Variants in PLB1 observed in about 807,000 individuals in gnomAD.
PLB1 encodes the protein phospholipase B1, also known as phospholipase B1, membrane-associated.
PLB1 carries 242 observed loss-of-function variants against 227.4 expected under a neutral mutation model. That is an observed-to-expected ratio of 1.06 (90% confidence interval 0.96 to 1.18). The LOEUF is 1.18. PLB1 is among the 50% of genes most tolerant of loss of function. The pLI, the probability that PLB1 is intolerant of heterozygous loss-of-function variation, is 0.00. For synonymous variants in PLB1, 757 were observed against 682.2 expected, an observed-to-expected ratio of 1.11 and a Z score of -1.71; for missense variants, 1,858 against 1,816.3, an observed-to-expected ratio of 1.02 and a Z score of -0.42.
At position 28,629,163 on chromosome 2, in the gene PLB1, A is replaced by T; in HGVS notation, c.3796A>T (p.Lys1266Ter). ...LASLYQGQGG[K>*]CAMLAAQNNC... Reference sequence around the variant, plus strand: ...TAGCCTGTACCAGGGCCAAGGCGGGAAATGTGCCATGCTGGCAGCTCAGTA... The same window carrying T: ...TAGCCTGTACCAGGGCCAAGGCGGGTAATGTGCCATGCTGGCAGCTCAGTA... Residue 1266 changes from lysine to a stop codon, truncating the protein, a stop_gained, in exon 53 of 58, where the codon AAA becomes TAA. Transcript: ENST00000327757. LOFTEE classifies it high-confidence loss of function. 1 of 1,613,780 alleles carries T rather than the reference A, an allele frequency of 6.2e-7. No individual in the cohort carries two copies. The highest frequency in any genetic ancestry group is 8.5e-7 in the Non-Finnish European group (1 of 1,179,882).
chr2:28,498,245 A>G (rs912708927), intron 1 of PLB1, among the ~76,000 whole-genome samples: 2 of 151,602 alleles, frequency 1.3e-5, no homozygotes, highest in African/African-American at 4.8e-5. Context: ...TCTTTTTGAG[A>G]TAGAGTCTCA....
chr2:28,542,657 A>G (rs13017378), intron 13 of PLB1, among the ~76,000 whole-genome samples: 57,536 of 151,706 alleles, frequency 0.38, 11,591 homozygotes, highest in South Asian at 0.48. Flanking sequence ...AAGGGAGGGG[A>G]ATCTCAGTTG....
chr2:28,595,078 C>A (rs1682678957), intron 33 of PLB1: 1 of 152,074 alleles, frequency 6.6e-6, no homozygotes. Flanking sequence ...AGGTGATGTG[C>A]CCTACTTTAA....
rs552745813 is a variant in PLB1 at position 28,599,368 on chromosome 2, C to A, written c.2474+608C>A. Reference sequence around the variant, plus strand: ...TCTATGCAGCTCCTGGCTCAGCCATCTGAGCCTCTGTCACATGTCATCTTC... The same window carrying A: ...TCTATGCAGCTCCTGGCTCAGCCATATGAGCCTCTGTCACATGTCATCTTC... On this transcript the variant is annotated intron_variant, in intron 35 of 57. Transcript: ENST00000327757. Among the ~76,000 whole-genome samples the A allele has an allele frequency of 1.2e-4, 19 of 152,370 alleles. No homozygotes were observed. In the East Asian group the frequency reaches 3.5e-3, roughly 28 times the overall value.
intron 1 of PLB1, among the ~76,000 whole-genome samples, 168 bp downstream of exon 1, chr2:28,496,337 C>T (rs1223325766): frequency 6.6e-6 from 1 of 152,166 alleles, no homozygotes; most frequent in Admixed American, 6.5e-5. Flanking sequence ...GAATGGGATG[C>T]AGAGGCTGCC....
rs565442462 is a variant in PLB1 at position 28,581,486 on chromosome 2, A to AAAATAAAT, written c.1567-538_1567-531dup. ...GAGTAGATCCAGAGCTCCACGCAAA[A>AAAATAAAT]AAATAAATAAATAAATAAATAAATA... On this transcript the variant is annotated intron_variant, in intron 23 of 57. Coordinates refer to ENST00000327757, the MANE Select transcript of PLB1 (RefSeq NM_153021.5). Among the ~76,000 whole-genome samples the AAAATAAAT allele has an allele frequency of 1.5e-3, 166 of 111,170 alleles. 6 individuals carry two copies. Among genetic ancestry groups the AAAATAAAT allele is most frequent in the East Asian group, 8.7e-3 (36 of 4,150 alleles). 72.9% of individuals were successfully genotyped at this position (111,170 alleles called of 152,430 possible). A position where few individuals can be genotyped will look rare whatever the true frequency, so the allele number is the denominator to read the frequency against.
chr2:28,578,227 G>C (rs1431644723), intron 22 of PLB1, 69 bp downstream of exon 22: 10 of 1,498,132 alleles, frequency 6.7e-6, no homozygotes, highest in Middle Eastern at 1.7e-4. Flanking sequence ...TGTGGATTGA[G>C]GGATGGTTGG....
chr2:28,566,900 C>G, intron 20 of PLB1, 61 bp downstream of exon 20: 1 of 1,592,172 alleles, frequency 6.3e-7, no homozygotes, highest in Non-Finnish European at 8.6e-7. Context: ...GCTTCCCGCT[C>G]CCCCTGCAGG....
Position 28,529,787 on chromosome 2 carries a change from T to G in PLB1, c.468+8T>G, listed in dbSNP as rs370660301. On this transcript the variant is annotated splice_region_variant and intron_variant, in intron 8 of 57. Coordinates refer to ENST00000327757, the MANE Select transcript of PLB1 (RefSeq NM_153021.5). ...AACATGAAAGAGAACCTGGTAAGCA[T>G]CCGTCCAACTCTGGCATGGCTGGGC... 327 of 1,613,804 alleles carry G rather than the reference T, an allele frequency of 2.0e-4. No homozygotes were observed. The highest frequency in any genetic ancestry group is 2.7e-4 in the Non-Finnish European group (314 of 1,179,858).
chr2:28,549,412 C>CT (rs746205635), intron 15 of PLB1, among the ~76,000 whole-genome samples: 2,508 of 86,902 alleles, frequency 0.029, 400 homozygotes, highest in African/African-American at 0.11. Context: ...GAGATTCTTT[C>CT]TTTTTTTTTT....
At chr2:28,599,910 G>A (rs9712111) in intron 35 of PLB1, among the ~76,000 whole-genome samples, 7,256 of 151,940 alleles carry the variant, frequency 0.048, 564 homozygotes, top group African/African-American at 0.16. Flanking sequence ...CACTGCACCT[G>A]GCCTTTTTTT....
intron 2 of PLB1, 26 bp downstream of exon 2, chr2:28,516,895 G>C: frequency 6.2e-7 from 1 of 1,606,800 alleles, no homozygotes. Context: ...GGTGGGAGGT[G>C]CGTGTGTATG....
rs1383070073 is a variant in PLB1 at position 28,643,064 on chromosome 2, C to T, written c.*3C>T. ...GCCTGCGCACTGTGGCCCTCTAGGC[C>T]CGGGGGTGGGTCCTCACCCTAAACT... On this transcript the variant is annotated 3_prime_UTR_variant, in exon 58 of 58. Coordinates refer to ENST00000327757, the MANE Select transcript of PLB1 (RefSeq NM_153021.5). 15 of 1,591,874 alleles carry T rather than the reference C, an allele frequency of 9.4e-6. No homozygotes were observed. The highest frequency in any genetic ancestry group is 9.1e-5 in the East Asian group (4 of 44,014).
chr2:28,597,901 G>A (rs999264495), intron 33 of PLB1, 104 bp from the exon 34 acceptor site: 28 of 1,122,070 alleles, frequency 2.5e-5, no homozygotes, highest in East Asian at 2.1e-4. Flanking sequence ...CAAAGGTGCC[G>A]ATGGGCACTA....
At chr2:28,636,185 A>G (rs536799122) in intron 56 of PLB1, among the ~76,000 whole-genome samples, 1 of 152,250 alleles carries the variant, frequency 6.6e-6, no homozygotes, top group East Asian at 1.9e-4. Flanking sequence ...CAGTCTCCCA[A>G]GTAGCTGGGG....
At chr2:28,612,223 T>C (rs1355814588) in intron 43 of PLB1, among the ~76,000 whole-genome samples, 2 of 152,124 alleles carry the variant, frequency 1.3e-5, no homozygotes, top group African/African-American at 2.4e-5. Context: ...AGGGGAGACT[T>C]GTCGGGTGCC....
At chr2:28,621,074 TC>T in intron 49 of PLB1, 96 bp downstream of exon 49, 1 of 1,002,492 alleles carries the variant, frequency 1.0e-6, no homozygotes, top group Non-Finnish European at 1.5e-6. Flanking sequence ...AGAAGCCTGG[TC>T]CCAGGGGCAA....
At chr2:28,561,404 CA>C (rs1273050579) in intron 17 of PLB1, among the ~76,000 whole-genome samples, 1 of 152,132 alleles carries the variant, frequency 6.6e-6, no homozygotes. Context: ...CCATATAATC[CA>C]CCAATTCCAC....
intron 9 of PLB1, among the ~76,000 whole-genome samples, chr2:28,532,435 AT>A (rs1408486248): frequency 1.1e-4 from 16 of 152,148 alleles, no homozygotes; most frequent in South Asian, 2.1e-4. Context: ...TATTGCTTCA[AT>A]TTTTTTATTG....
Sources: allele counts gnomAD v4.1 joint callset (sites outside exome capture counted in the v4.1 genomes callset), GRCh38; gene constraint gnomAD v4.1.1; transcripts MANE v1.5; gene names NCBI Gene and HGNC (gene_info 2026-07-23, HGNC 2026-07-21).